PRUNE2: variants seen among roughly 807,000 people sequenced by gnomAD.
PRUNE2 encodes the protein protein prune homolog 2.
Under a neutral mutation model 252.0 loss-of-function variants are expected in PRUNE2, and 164 were observed. The ratio of observed to expected loss-of-function variants is 0.65; its 90% confidence interval spans 0.57 to 0.74. The LOEUF (loss-of-function observed/expected upper bound fraction) is 0.74, where lower values mean the gene tolerates loss of function less well. Ranked by LOEUF, PRUNE2 falls within the 30% of genes least tolerant of loss-of-function variation. The pLI is 0.00. For missense variants in PRUNE2, 3,495 were observed against 3,711.0 expected (o/e 0.94, Z 1.51); for synonymous variants, 1,292 against 1,350.2 (o/e 0.96, Z 0.94).
At chr9:76,828,923 G>A (rs1260558337) in intron 4 of PRUNE2, among the ~76,000 whole-genome samples, 22 of 151,098 alleles carry the variant, frequency 1.5e-4, no homozygotes, top group Admixed American at 6.6e-5. Context: ...AGGCTGAGGC[G>A]GGAGAATTGC....
chr9:76,868,907 G>A (rs987923528), intron 1 of PRUNE2: 1 of 150,274 alleles, frequency 6.7e-6, no homozygotes, highest in African/African-American at 2.4e-5. Context: ...TTTCTTTTGT[G>A]AGCCTGTGTT....
chr9:76,631,131 AAC>A (rs1837462266), intron 15 of PRUNE2, among the ~76,000 whole-genome samples: 1 of 152,228 alleles, frequency 6.6e-6, no homozygotes, highest in South Asian at 2.1e-4. Context: ...GTCTTGGGTC[AAC>A]ACACACTACC....
intron 4 of PRUNE2, among the ~76,000 whole-genome samples, chr9:76,839,508 C>T (rs963140966): frequency 2.6e-5 from 4 of 152,158 alleles, no homozygotes; most frequent in African/African-American, 9.7e-5. Flanking sequence ...GCTCTTGTGT[C>T]TGCAACACAG....
At chr9:76,804,106 T>A (rs1168142565) in intron 6 of PRUNE2, among the ~76,000 whole-genome samples, 6 of 152,282 alleles carry the variant, frequency 3.9e-5, no homozygotes, top group African/African-American at 1.2e-4. Context: ...TGTCTACTAG[T>A]CTGACAATTT....
rs1429887358 is a variant in PRUNE2, at chr9:76,660,063, G to C, written c.8277-4561C>G. On this transcript the variant is annotated intron_variant, in intron 9 of 18. Coordinates refer to ENST00000376718, the MANE Select transcript of PRUNE2 (RefSeq NM_015225.3). ...CTATATGAAATAGCATACTCCAAAA[G>C]TTACTAATACATTTCCAAGCTTAAA... 3.3e-5 allele frequency among the ~76,000 whole-genome samples: 5 copies of C among 152,042 alleles called. No homozygotes were observed. The East Asian group carries it at 9.7e-4, about 29-fold the overall frequency.
Position 76,629,249 on chromosome 9 carries a change from G to A in PRUNE2, c.9092C>T (p.Ser3031Leu), listed in dbSNP as rs1245411097. 1 of 1,596,792 alleles carries A rather than the reference G, an allele frequency of 6.3e-7. No individual in the cohort carries two copies. Among genetic ancestry groups the A allele is most frequent in the South Asian group, 1.1e-5 (1 of 89,410 alleles). ...SSKIKYVNSL[S>L]ELSGLIPMDC... Reference sequence around the variant, plus strand: ...CATTGGGATCAGCCCACTGAGTTCTGATAAGCTATTGACATATTTAATTTT... The same window carrying A: ...CATTGGGATCAGCCCACTGAGTTCTAATAAGCTATTGACATATTTAATTTT... The change falls in exon 16 of 19, where the codon TCA becomes TTA. Residue 3031 changes from serine to leucine, a missense_variant. By Grantham distance (145) the Ser-to-Leu change is moderately radical. Coordinates refer to ENST00000376718, the MANE Select transcript of PRUNE2 (RefSeq NM_015225.3).
chr9:76,790,121 T>C (rs1228544111), intron 6 of PRUNE2, among the ~76,000 whole-genome samples: 1 of 152,186 alleles, frequency 6.6e-6, no homozygotes, highest in Non-Finnish European at 1.5e-5. Flanking sequence ...TTTTTCTCCA[T>C]GAAGCTTCCT....
chr9:76,804,615 G>A (rs1264660687), intron 6 of PRUNE2, among the ~76,000 whole-genome samples: 2 of 152,140 alleles, frequency 1.3e-5, no homozygotes, highest in Non-Finnish European at 2.9e-5. Context: ...ACAGCACAGC[G>A]ACTTTATGGA....
chr9:76,847,564 A>G (rs1589557282), intron 3 of PRUNE2, among the ~76,000 whole-genome samples: 1 of 152,208 alleles, frequency 6.6e-6, no homozygotes, highest in African/African-American at 2.4e-5. Context: ...AGACTAGCCA[A>G]TAACCTGGCT....
chr9:76,664,640 C>T (rs1366407817), intron 9 of PRUNE2, among the ~76,000 whole-genome samples: 2 of 152,142 alleles, frequency 1.3e-5, no homozygotes, highest in African/African-American at 4.8e-5. Flanking sequence ...CCTGCCTCAG[C>T]CTCCCGAGTA....
chr9:76,614,760 A>G (rs1172473741), intron 18 of PRUNE2, among the ~76,000 whole-genome samples, 160 bp from the exon 19 acceptor site: 1 of 152,234 alleles, frequency 6.6e-6, no homozygotes, highest in African/African-American at 2.4e-5. Context: ...GTAAAACCCA[A>G]TCCTCCTCTT....
At chr9:76,668,838 G>T (rs1471764715) in intron 9 of PRUNE2, among the ~76,000 whole-genome samples, 1 of 150,590 alleles carries the variant, frequency 6.6e-6, no homozygotes, top group South Asian at 2.2e-4. Flanking sequence ...GCAAAGTATC[G>T]CACACAGTAA....
intron 1 of PRUNE2, among the ~76,000 whole-genome samples, chr9:76,861,832 G>A (rs761885411): frequency 6.1e-5 from 9 of 146,708 alleles, no homozygotes; most frequent in Non-Finnish European, 1.0e-4. Context: ...TCGCTCTGAC[G>A]ATGGCTTCAA....
In PRUNE2 at chr9:76,826,586, C is replaced by T. The variant is rs2058359679; in HGVS notation, c.655G>A (p.Ala219Thr). Residue 219 changes from alanine to threonine, a missense_variant, in exon 5 of 19, where the codon GCT becomes ACT. Coordinates refer to ENST00000376718, the MANE Select transcript of PRUNE2 (RefSeq NM_015225.3). ...TGGGGACAGAGTCACTCACCCTGAG[C>T]ACTGAACTGGGTCTCCTGTAGGACG... ...INVLQETQFS[A>T]QGLSIEQTML... 4 of 1,592,180 alleles carry T rather than the reference C, an allele frequency of 2.5e-6. No homozygotes were observed. Among genetic ancestry groups the T allele is most frequent in the Non-Finnish European group, 3.4e-6 (4 of 1,167,008 alleles).
At chr9:76,678,099 G>T (rs1236114603) in intron 9 of PRUNE2, among the ~76,000 whole-genome samples, 1 of 152,060 alleles carries the variant, frequency 6.6e-6, no homozygotes, top group East Asian at 1.9e-4. Flanking sequence ...GCCGGGCTTG[G>T]GGGCTCATGC....
chr9:76,648,665 G>A (rs1319904994), intron 11 of PRUNE2, among the ~76,000 whole-genome samples: 1 of 152,180 alleles, frequency 6.6e-6, no homozygotes, highest in African/African-American at 2.4e-5. Flanking sequence ...GGGAAAGGGA[G>A]ACATAGGCAG....
chr9:76,901,896 A>G (rs1589849947), intron 1 of PRUNE2, among the ~76,000 whole-genome samples: 1 of 152,218 alleles, frequency 6.6e-6, no homozygotes, highest in East Asian at 1.9e-4. Flanking sequence ...TTCCTGGGAC[A>G]CTGATGTGCC....
chr9:76,627,476 A>G (rs1352086418), intron 16 of PRUNE2, among the ~76,000 whole-genome samples: 2 of 152,118 alleles, frequency 1.3e-5, no homozygotes, highest in East Asian at 3.8e-4. Flanking sequence ...TTTTTGAGGC[A>G]GCAGCCCAGA....
intron 17 of PRUNE2, among the ~76,000 whole-genome samples, chr9:76,621,375 T>G (rs191232726): frequency 2.8e-3 from 426 of 152,324 alleles, no homozygotes; most frequent in African/African-American, 7.7e-3. Flanking sequence ...ATGGTGGGAT[T>G]CTAAGGCATT....
Sources: allele counts gnomAD v4.1 joint callset (sites outside exome capture counted in the v4.1 genomes callset), GRCh38; gene constraint gnomAD v4.1.1; transcripts MANE v1.5; gene names NCBI Gene and HGNC (gene_info 2026-07-23, HGNC 2026-07-21).